Variants in ADD3 observed in about 807,000 individuals in gnomAD.
ADD3 encodes the protein gamma-adducin.
In ADD3, 25 loss-of-function variants were observed where a neutral mutation model predicts 80.2. That is an observed-to-expected ratio of 0.31 (90% CI 0.23 to 0.44). The LOEUF is 0.44. Ranked by LOEUF, ADD3 falls within the 20% of genes least tolerant of loss-of-function variation. The pLI, the probability that ADD3 is intolerant of heterozygous loss-of-function variation, is 1.00. For synonymous variants in ADD3, 284 were observed against 289.6 expected (o/e 0.98, Z 0.20); for missense variants, 829 against 847.5 (o/e 0.98, Z 0.27).
chr10:110,079,181 C>T (rs1476150774), intron 1 of ADD3: 1 of 152,220 alleles, frequency 6.6e-6, no homozygotes, highest in East Asian at 1.9e-4. Context: ...GTGTCATGTA[C>T]ATTAGATATA....
At chr10:110,001,114 T>C (rs1427067833), upstream of ADD3, among the ~76,000 whole-genome samples, 1 of 152,108 alleles carries the variant, frequency 6.6e-6, no homozygotes, top group African/African-American at 2.4e-5. Context: ...GGTATTATCT[T>C]ACAGATTAAG....
At position 110,118,731 on chromosome 10, in the gene ADD3, G is replaced by A; in HGVS notation, c.712G>A (p.Ala238Thr). 6.2e-7 allele frequency: 1 copy of A among 1,613,548 alleles called. No individual in the cohort carries two copies. The highest frequency in any genetic ancestry group is 8.5e-7 in the Non-Finnish European group (1 of 1,179,664). ...CVIHIHTLAT[A>T]AVSSMKCGIL... ...GATACACATCCATACCCTTGCAACAGCAGCTGTAAGTCAATGAAAGTCCAA... is the reference window on the plus strand; with the variant it reads ...GATACACATCCATACCCTTGCAACAACAGCTGTAAGTCAATGAAAGTCCAA... The change falls in exon 6 of 15, where the codon GCA (alanine) becomes ACA (threonine). Residue 238 changes from alanine to threonine, a missense_variant. Physicochemically the swap from Ala to Thr is moderately conservative, Grantham distance 58 (BLOSUM62 0). Coordinates refer to ENST00000356080, the MANE Select transcript of ADD3 (RefSeq NM_016824.5).
At chr10:110,058,506 T>G (rs778953807) in intron 1 of ADD3, among the ~76,000 whole-genome samples, 12 of 152,300 alleles carry the variant, frequency 7.9e-5, no homozygotes, top group Non-Finnish European at 1.6e-4. Context: ...GAGAGTTAGC[T>G]CCATTCTTTG....
chr10:110,072,686 A>C (rs1305245397), intron 1 of ADD3, among the ~76,000 whole-genome samples: 1 of 152,216 alleles, frequency 6.6e-6, no homozygotes, highest in African/African-American at 2.4e-5. Flanking sequence ...ATAGTCTCTC[A>C]TTATCTTCTG....
intron 1 of ADD3, among the ~76,000 whole-genome samples, chr10:110,050,814 A>G (rs1857436210): frequency 1.3e-5 from 2 of 152,050 alleles, no homozygotes; most frequent in Non-Finnish European, 2.9e-5. Context: ...TGCCTTTCTA[A>G]ATTACCCAGT....
At chr10:110,032,058 GA>G (rs1302435823) in intron 1 of ADD3, among the ~76,000 whole-genome samples, 1 of 152,082 alleles carries the variant, frequency 6.6e-6, no homozygotes, top group Non-Finnish European at 1.5e-5. Context: ...ATGCCTTCAG[GA>G]AGAGATACAA....
chr10:110,065,729 G>A (rs1352474663), intron 1 of ADD3, among the ~76,000 whole-genome samples: 5 of 149,748 alleles, frequency 3.3e-5, no homozygotes, highest in South Asian at 2.1e-4. Context: ...TAGTAGAGAC[G>A]AGGTTTCACC....
intron 1 of ADD3, among the ~76,000 whole-genome samples, chr10:110,029,098 C>G (rs925781107): frequency 1.3e-5 from 2 of 152,202 alleles, no homozygotes; most frequent in Non-Finnish European, 2.9e-5. Context: ...AGGCTAGTCT[C>G]GAACTCCCCA....
In ADD3 at chr10:110,124,141, C is replaced by A; in HGVS notation, c.1268C>A (p.Ser423Tyr). The A allele has an allele frequency of 6.2e-7, 1 of 1,614,140 alleles. No individual in the cohort carries two copies. Among genetic ancestry groups the A allele is most frequent in the Non-Finnish European group, 8.5e-7 (1 of 1,180,016 alleles). The change falls in exon 10 of 15, where the codon TCT (serine) becomes TAT (tyrosine). Residue 423 changes from serine to tyrosine, a missense_variant. Ser to Tyr is a moderately radical substitution (Grantham distance 144, BLOSUM62 -2). Transcript: ENST00000356080. ...TTTGAAGACGATACAGTGCCACTCT[C>A]TCCTCTCAAATACATGGCACAGAGG... ...FSFEDDTVPL[S>Y]PLKYMAQRQQ...
At chr10:110,132,148 A>G (rs554716743) in intron 13 of ADD3, among the ~76,000 whole-genome samples, 157 bp from the exon 14 acceptor site, 2 of 152,366 alleles carry the variant, frequency 1.3e-5, no homozygotes, top group Admixed American at 6.5e-5. Flanking sequence ...ATGTATAATT[A>G]TGGATATATG....
At chr10:110,060,853 A>G (rs942035985) in intron 1 of ADD3, among the ~76,000 whole-genome samples, 1 of 152,218 alleles carries the variant, frequency 6.6e-6, no homozygotes, top group Non-Finnish European at 1.5e-5. Flanking sequence ...TTCCAATTTA[A>G]GCATTCTTTC....
At chr10:110,126,321 G>A (rs1852150952) in intron 11 of ADD3, 96 bp from the exon 12 acceptor site, 1 of 913,412 alleles carries the variant, frequency 1.1e-6, no homozygotes, top group Non-Finnish European at 1.7e-6. Flanking sequence ...TCTCACTCTG[G>A]AAATGTCAAG....
intron 1 of ADD3, among the ~76,000 whole-genome samples, chr10:110,097,536 T>C (rs1168165416): frequency 6.6e-6 from 1 of 152,200 alleles, no homozygotes; most frequent in East Asian, 1.9e-4. Flanking sequence ...CCAGATTCCC[T>C]AAATGATAAT....
chr10:110,132,519 C>T (rs1212421521), intron 14 of ADD3, 119 bp downstream of exon 14: 1 of 605,694 alleles, frequency 1.7e-6, no homozygotes, highest in East Asian at 2.8e-5. Flanking sequence ...CCATATTTTA[C>T]TTATATCTCC....
chr10:110,007,681 G>T (rs61458197), upstream of ADD3, among the ~76,000 whole-genome samples: 316 of 152,286 alleles, frequency 2.1e-3, 2 homozygotes, highest in African/African-American at 6.8e-3. Context: ...GGGCCTGCAG[G>T]CCCCCACCGC....
In ADD3 at chr10:110,064,810, C is replaced by T. The variant is rs538388350; in HGVS notation, c.-29-35815C>T. 3.9e-5 allele frequency among the ~76,000 whole-genome samples: 6 copies of T among 152,274 alleles called. No homozygotes were observed. The East Asian group carries it at 1.2e-3, about 29-fold the overall frequency. On this transcript the variant is annotated intron_variant, in intron 1 of 14. Coordinates refer to ENST00000356080, the MANE Select transcript of ADD3 (RefSeq NM_016824.5). ...AGTTCACCTTGTTTTTAACCACCTGCATTTGTTATTGCTATTTTTTTATAC... is the reference window on the plus strand; with the variant it reads ...AGTTCACCTTGTTTTTAACCACCTGTATTTGTTATTGCTATTTTTTTATAC...
intron 1 of ADD3, among the ~76,000 whole-genome samples, chr10:110,012,725 A>G (rs1852467554): frequency 6.6e-6 from 1 of 152,108 alleles, no homozygotes; most frequent in Non-Finnish European, 1.5e-5. Context: ...TTATTGTACA[A>G]GATGTATAGG....
chr10:110,090,581 T>C (rs902480559), intron 1 of ADD3, among the ~76,000 whole-genome samples: 1 of 152,246 alleles, frequency 6.6e-6, no homozygotes, highest in African/African-American at 2.4e-5. Context: ...GTGTGTGTTA[T>C]GACTACATCT....
chr10:110,056,212 G>A (rs1858175313), intron 1 of ADD3, among the ~76,000 whole-genome samples: 1 of 152,062 alleles, frequency 6.6e-6, no homozygotes, highest in Non-Finnish European at 1.5e-5. Flanking sequence ...TTCACAATAG[G>A]TTCTGATGAT....
Sources: gnomAD v4.1 joint callset for allele counts (sites outside exome capture counted in the v4.1 genomes callset) on GRCh38, gnomAD v4.1.1 for gene constraint, MANE v1.5 for transcripts, NCBI Gene and HGNC (gene_info 2026-07-23, HGNC 2026-07-21) for gene names.